The following VOPP1 variants were observed in gnomAD, a reference collection of about 807,000 sequenced individuals.
The protein encoded by VOPP1 is WW domain binding protein VOPP1.
A neutral mutation model predicts 23.5 loss-of-function variants in VOPP1; 8 were observed. The observed-to-expected ratio is 0.34, with a 90% CI of 0.20 to 0.61. The LOEUF is 0.61. VOPP1 is among the 20% of genes least tolerant of loss of function. The pLI, the probability that VOPP1 is intolerant of heterozygous loss-of-function variation, is 0.78. For missense variants in VOPP1, 174 were observed against 238.1 expected (o/e 0.73, Z 1.77); for synonymous variants, 83 against 97.3 (o/e 0.85, Z 0.86).
intron 1 of VOPP1, chr7:55,562,040 A>C (rs1217655560): frequency 5.7e-6 from 4 of 703,416 alleles, no homozygotes; most frequent in Non-Finnish European, 1.0e-5. Flanking sequence ...ATGCATCAGA[A>C]GCAATGTGCA....
chr7:55,528,326 C>G (rs141084488), intron 1 of VOPP1, among the ~76,000 whole-genome samples: 81 of 152,298 alleles, frequency 5.3e-4, no homozygotes, highest in African/African-American at 1.9e-3. Context: ...TCAGTTGGTA[C>G]TAGAGATGAT....
Position 55,449,535 on chromosome 7 carries a change from C to A in VOPP1, n.418-13361G>T, listed in dbSNP as rs190948718. On this transcript the variant is annotated intron_variant and non_coding_transcript_variant, in intron 4 of 4. Transcript: ENST00000462326. ...CGGAGAAGGGCGCGGCCAGCGGGCGCAGGACAGATGGGGAGACGACGCCCC... is the reference window on the plus strand; with the variant it reads ...CGGAGAAGGGCGCGGCCAGCGGGCGAAGGACAGATGGGGAGACGACGCCCC... 4.0e-3 allele frequency among the ~76,000 whole-genome samples: 604 copies of A among 152,338 alleles called. 2 individuals are homozygous for A. Among genetic ancestry groups the A allele is most frequent in the African/African-American group, 0.014 (570 of 41,576 alleles).
Position 55,477,326 on chromosome 7 carries a change from G to A in VOPP1, c.329-4281C>T, listed in dbSNP as rs186588008. On this transcript the variant is annotated intron_variant, in intron 4 of 4. Coordinates refer to ENST00000285279, the MANE Select transcript of VOPP1 (RefSeq NM_030796.5). ...GAACGGCACCTTGCATGTGGCAGACGTTCCATAAATACACGGGAGGAGTGA... is the reference window on the plus strand; with the variant it reads ...GAACGGCACCTTGCATGTGGCAGACATTCCATAAATACACGGGAGGAGTGA... Among the ~76,000 whole-genome samples, 253 of 152,350 alleles carry A rather than the reference G, an allele frequency of 1.7e-3. 1 individual carries two copies. The highest frequency in any genetic ancestry group is 4.2e-3 in the Admixed American group (64 of 15,304).
At chr7:55,436,651 T>C (rs549026052) in intron 4 of VOPP1, among the ~76,000 whole-genome samples, 4 of 150,958 alleles carry the variant, frequency 2.6e-5, no homozygotes, top group East Asian at 1.9e-4. Context: ...CGTGCGTGGG[T>C]GTGTGTGCGT....
intron 2 of VOPP1, among the ~76,000 whole-genome samples, chr7:55,519,676 A>G (rs1442000965): frequency 6.6e-6 from 1 of 152,208 alleles, no homozygotes; most frequent in Non-Finnish European, 1.5e-5. Context: ...GTCTTTCTGC[A>G]GCTGCAGAGG....
chr7:55,523,256 G>A (rs1337382494), intron 1 of VOPP1, among the ~76,000 whole-genome samples: 2 of 152,172 alleles, frequency 1.3e-5, no homozygotes, highest in African/African-American at 4.8e-5. Context: ...CGTCCAGTAT[G>A]CCATCCTTGA....
At chr7:55,454,654 T>A (rs1306885254) in intron 4 of VOPP1, among the ~76,000 whole-genome samples, 1 of 152,072 alleles carries the variant, frequency 6.6e-6, no homozygotes, top group Non-Finnish European at 1.5e-5. Context: ...CATACACAAA[T>A]CAATAAACAT....
chr7:55,550,323 C>T (rs1183026168), intron 1 of VOPP1, among the ~76,000 whole-genome samples: 1 of 152,188 alleles, frequency 6.6e-6, no homozygotes, highest in Non-Finnish European at 1.5e-5. Flanking sequence ...CCTAAGTGTA[C>T]ATAAATAAGG....
chr7:55,437,824 T>A (rs113340129), intron 4 of VOPP1, among the ~76,000 whole-genome samples: 2,290 of 152,248 alleles, frequency 0.015, 59 homozygotes, highest in African/African-American at 0.052. Context: ...TTCTATTGAA[T>A]GTTTCATTTC....
chr7:55,465,166 C>T (rs1167951165), intron 4 of VOPP1, among the ~76,000 whole-genome samples: 2 of 152,164 alleles, frequency 1.3e-5, no homozygotes, highest in African/African-American at 4.8e-5. Context: ...CTTCTTTGTG[C>T]AGAAGTGCCA....
At chr7:55,525,335 A>G (rs1447002045) in intron 1 of VOPP1, among the ~76,000 whole-genome samples, 2 of 151,958 alleles carry the variant, frequency 1.3e-5, no homozygotes, top group East Asian at 3.9e-4. Flanking sequence ...AAAAGTACAA[A>G]AAAATTAGCC....
intron 4 of VOPP1, among the ~76,000 whole-genome samples, chr7:55,451,465 TA>T: frequency 6.6e-6 from 1 of 152,270 alleles, no homozygotes; most frequent in Non-Finnish European, 1.5e-5. Context: ...GCATTATGTC[TA>T]AAAGCCACAA....
At chr7:55,521,237 T>A in intron 1 of VOPP1, 107 bp from the exon 2 acceptor site, 1 of 1,168,282 alleles carries the variant, frequency 8.6e-7, no homozygotes, top group East Asian at 2.6e-5. Flanking sequence ...GCTTAACCCA[T>A]GAAAAGCTGG....
intron 4 of VOPP1, among the ~76,000 whole-genome samples, chr7:55,463,221 C>T (rs1479845661): frequency 6.6e-6 from 1 of 152,184 alleles, no homozygotes; most frequent in Non-Finnish European, 1.5e-5. Flanking sequence ...TCTTGTATCG[C>T]ACTGAACTTG....
intron 2 of VOPP1, among the ~76,000 whole-genome samples, chr7:55,508,522 C>A (rs1213671431): frequency 1.3e-5 from 2 of 152,120 alleles, no homozygotes. Context: ...TTGCCTTAGC[C>A]CAAAAGTGTT....
chr7:55,457,430 G>C, intron 4 of VOPP1, among the ~76,000 whole-genome samples: 1 of 152,142 alleles, frequency 6.6e-6, no homozygotes, highest in East Asian at 1.9e-4. Context: ...TAAACATGGA[G>C]GTCAAGTGTC....
At chr7:55,470,388 C>T (rs1190724140), downstream of VOPP1, among the ~76,000 whole-genome samples, 1 of 152,166 alleles carries the variant, frequency 6.6e-6, no homozygotes, top group Non-Finnish European at 1.5e-5. Flanking sequence ...ATCAACAGTA[C>T]ATTACTTCAG....
intron 4 of VOPP1, among the ~76,000 whole-genome samples, chr7:55,442,045 A>T (rs1460006225): frequency 6.6e-6 from 1 of 152,220 alleles, no homozygotes; most frequent in African/African-American, 2.4e-5. Context: ...TATAATAATA[A>T]TATCGGCCAT....
intron 2 of VOPP1, among the ~76,000 whole-genome samples, chr7:55,500,381 C>T (rs1215872063): frequency 1.3e-5 from 2 of 152,228 alleles, no homozygotes; most frequent in African/African-American, 4.8e-5. Context: ...GGTCTGCAGG[C>T]ACCAACAGCA....
Sources: gnomAD v4.1 joint callset for allele counts (sites outside exome capture counted in the v4.1 genomes callset) on GRCh38, gnomAD v4.1.1 for gene constraint, MANE v1.5 for transcripts, NCBI Gene and HGNC (gene_info 2026-07-23, HGNC 2026-07-21) for gene names.